COMT: variants seen among roughly 807,000 people sequenced by gnomAD.
COMT encodes catechol-O-methyltransferase.
In COMT, 13 loss-of-function variants were observed where a neutral mutation model predicts 18.9. The ratio of observed to expected loss-of-function variants is 0.69; its 90% CI spans 0.45 to 1.09. COMT has a LOEUF of 1.09. COMT is among the 50% of genes least tolerant of loss of function. The pLI is 0.00. For synonymous variants in COMT, 150 were observed against 160.9 expected, an observed-to-expected ratio of 0.93 and a Z score of 0.51; for missense variants, 329 against 361.8, an observed-to-expected ratio of 0.91 and a Z score of 0.73.
intron 1 of COMT, among the ~76,000 whole-genome samples, chr22:19,952,563 C>T (rs1183325365): frequency 5.9e-5 from 9 of 151,578 alleles, no homozygotes; most frequent in African/African-American, 1.7e-4. Context: ...GCCATGAACC[C>T]GGGGGATGGA....
Position 19,962,571 on chromosome 22 carries a change from C to T in COMT, c.45C>T (p.Gly15=). 1 of 1,415,572 alleles carries T rather than the reference C, an allele frequency of 7.1e-7. No homozygotes were observed. Among genetic ancestry groups the T allele is most frequent in the Admixed American group, 2.1e-5 (1 of 48,594 alleles). 87.7% of individuals were successfully genotyped at this position (1,415,572 alleles called of 1,614,324 possible). A position where few individuals can be genotyped will look rare whatever the true frequency, so the allele number is the denominator to read the frequency against. Residue 15 remains glycine, a synonymous_variant, in exon 3 of 6, where the codon GGC becomes GGT. Transcript: ENST00000361682. ...TGCTGTTGGCAGCTGTGTTGCTGGG[C>T]CTGGTGCTGCTGGTGGTGCTGCTGC... is the stretch of plus-strand genomic sequence containing the variant. ...PPLLLAAVLL[G]LVLLVVLLLL...
intron 1 of COMT, among the ~76,000 whole-genome samples, chr22:19,957,099 T>C (rs1447607540): frequency 2.0e-5 from 3 of 151,654 alleles, no homozygotes; most frequent in Non-Finnish European, 4.4e-5. Flanking sequence ...TACAGGTGCC[T>C]GCCACCACAC....
At chr22:19,950,261 T>G (rs9606195) in intron 1 of COMT, among the ~76,000 whole-genome samples, 726 of 132,502 alleles carry the variant, frequency 5.5e-3, no homozygotes, top group Middle Eastern at 0.015. Flanking sequence ...TTTTTTTTTT[T>G]TTCTGTAGAG....
chr22:19,958,722 CAAAAAAAA>C (rs361549), intron 1 of COMT, among the ~76,000 whole-genome samples: 2 of 87,246 alleles, frequency 2.3e-5, no homozygotes, highest in African/African-American at 9.4e-5. Context: ...CCATCTCTAC[CAAAAAAAA>C]AAAAAAAAAA....
chr22:19,965,551 A>G (rs1942344243), intron 5 of COMT: 1 of 152,204 alleles, frequency 6.6e-6, no homozygotes, highest in Admixed American at 6.5e-5. Context: ...CACATTGGCC[A>G]GGATGGTCTC....
intron 1 of COMT, among the ~76,000 whole-genome samples, chr22:19,946,346 G>C (rs1941835548): frequency 6.6e-6 from 1 of 152,110 alleles, no homozygotes; most frequent in African/African-American, 2.4e-5. Context: ...AAATTAGCCA[G>C]TTGTGGTAGC....
At chr22:19,947,684 C>T (rs752521545) in intron 1 of COMT, among the ~76,000 whole-genome samples, 2 of 152,212 alleles carry the variant, frequency 1.3e-5, no homozygotes, top group Admixed American at 6.5e-5. Flanking sequence ...GGACCAGGAG[C>T]GTGACTGCTT....
In COMT at chr22:19,958,318, C is replaced by T. The variant is rs1473664453; in HGVS notation, c.-91-2881C>T. 2.0e-5 allele frequency among the ~76,000 whole-genome samples: 3 copies of T among 151,616 alleles called. No individual in the cohort carries two copies. In the South Asian group the frequency reaches 6.2e-4, roughly 32 times the overall value. On this transcript the variant is annotated intron_variant, in intron 1 of 5. Coordinates refer to ENST00000361682, the MANE Select transcript of COMT (RefSeq NM_000754.4). ...TATCTGGGACTACACGTGCGGACCA[C>T]CACGCCTGGCTAATTTTTAAGTTTT...
intron 1 of COMT, among the ~76,000 whole-genome samples, chr22:19,956,531 C>A (rs1942068960): frequency 6.6e-6 from 1 of 151,766 alleles, no homozygotes; most frequent in African/African-American, 2.4e-5. Context: ...GTGCTTGCCA[C>A]CAAGCCTGGC....
chr22:19,955,424 G>T (rs1222596111), intron 1 of COMT, among the ~76,000 whole-genome samples: 1 of 152,218 alleles, frequency 6.6e-6, no homozygotes, highest in East Asian at 1.9e-4. Flanking sequence ...GATCGCAGTC[G>T]AATCCCCTGC....
chr22:19,966,436 T>C (rs1261775029), intron 5 of COMT, among the ~76,000 whole-genome samples: 1 of 135,304 alleles, frequency 7.4e-6, no homozygotes, highest in East Asian at 2.2e-4. Flanking sequence ...AGTTCCCCCT[T>C]AAAAAAAAAA....
rs1249639814 is a variant in COMT at position 19,969,428 on chromosome 22, G to A, written c.*692G>A. 1 of 152,518 alleles carries A rather than the reference G, an allele frequency of 6.6e-6. No homozygotes were observed. Among genetic ancestry groups the A allele is most frequent in the African/African-American group, 2.4e-5 (1 of 41,432 alleles). 9.4% of individuals were successfully genotyped at this position (152,518 alleles called of 1,614,324 possible). A position where few individuals can be genotyped will look rare whatever the true frequency, so the allele number is the denominator to read the frequency against. On this transcript the variant is annotated 3_prime_UTR_variant, in exon 6 of 6. Transcript: ENST00000361682. ...GGGCCTTGCTTACAGAAGAGGCAAT[G>A]GCTCAGACCAGCTCCCGCATCCCTG...
chr22:19,962,824 C>T lies in COMT; in HGVS notation c.289+9C>T, dbSNP rs3218737. 237 of 1,599,088 alleles carry T rather than the reference C, an allele frequency of 1.5e-4. No homozygotes were observed. The African/African-American group carries it at 2.8e-3, about 19-fold the overall frequency. On this transcript the variant is annotated intron_variant, in intron 3 of 5. Coordinates refer to ENST00000361682, the MANE Select transcript of COMT (RefSeq NM_000754.4). The stretch of plus-strand genomic sequence containing the variant: ...CGTGGGCGACAAGAAAGGTGGGGTC[C>T]GGGCCAGCAGGTGCTCAGCTCTGGG...
chr22:19,955,032 G>A (rs1244589182), intron 1 of COMT, among the ~76,000 whole-genome samples: 1 of 152,192 alleles, frequency 6.6e-6, no homozygotes, highest in African/African-American at 2.4e-5. Context: ...TTGTTTTAGA[G>A]ACAGTGTCTG....
intron 5 of COMT, among the ~76,000 whole-genome samples, chr22:19,966,616 T>A (rs984529519): frequency 2.6e-5 from 4 of 152,032 alleles, no homozygotes; most frequent in Admixed American, 2.0e-4. Flanking sequence ...AATTTAAAAA[T>A]TTTTTGTAGA....
intron 1 of COMT, among the ~76,000 whole-genome samples, chr22:19,943,683 A>G (rs1941786750): frequency 6.6e-6 from 1 of 152,024 alleles, no homozygotes; most frequent in Non-Finnish European, 1.5e-5. Flanking sequence ...AAAAAGAAAG[A>G]AAGAAATAAA....
At chr22:19,965,456 C>T (rs375630292) in intron 5 of COMT, 1 of 152,374 alleles carries the variant, frequency 6.6e-6, no homozygotes, top group East Asian at 1.9e-4. Context: ...ATTACCCTGC[C>T]TTAGCCTCCT....
intron 2 of COMT, chr22:19,962,233 A>G (rs1942208721): frequency 2.0e-6 from 1 of 509,424 alleles, no homozygotes; most frequent in Admixed American, 3.2e-5. Flanking sequence ...GTGGTTTTAG[A>G]GGATCCCTGG....
rs1942592768 is a variant in COMT at position 19,968,985 on chromosome 22, T to TAA, written c.*253_*254dup. 2.5e-6 allele frequency: 1 copy of TAA among 402,896 alleles called. No individual in the cohort carries two copies. Among genetic ancestry groups the TAA allele is most frequent in the Non-Finnish European group, 4.5e-6 (1 of 221,588 alleles). 25.0% of individuals were successfully genotyped at this position (402,896 alleles called of 1,614,324 possible). The stretch of plus-strand genomic sequence containing the variant: ...TATCTTATATACTAATATCATGTTT[T>TAA]AAAAATATAAAATAGAAATTAAGAA... On this transcript the variant is annotated 3_prime_UTR_variant, in exon 6 of 6. Transcript: ENST00000361682.
Sources: allele counts gnomAD v4.1 joint callset (sites outside exome capture counted in the v4.1 genomes callset), GRCh38; gene constraint gnomAD v4.1.1; transcripts MANE v1.5; gene names NCBI Gene and HGNC (gene_info 2026-07-23, HGNC 2026-07-21).